RAB8A: variants seen among roughly 807,000 people sequenced by gnomAD.
RAB8A encodes the protein RAB8A, member RAS oncogene family.
Under a neutral mutation model 29.2 loss-of-function variants are expected in RAB8A, and 5 were observed. That is an observed-to-expected ratio of 0.17 (90% CI 0.09 to 0.36). The LOEUF is 0.36. Among genes scored for constraint, RAB8A ranks in the 10% least tolerant of loss-of-function variants. The pLI, the probability that RAB8A is intolerant of heterozygous loss-of-function variation, is 1.00. For missense variants in RAB8A, 171 were observed against 272.2 expected (o/e 0.63, Z 2.62); for synonymous variants, 108 against 99.9 (o/e 1.08, Z -0.49).
intron 1 of RAB8A, among the ~76,000 whole-genome samples, chr19:16,114,573 T>A (rs2090838647): frequency 7.2e-6 from 1 of 139,302 alleles, no homozygotes; most frequent in Non-Finnish European, 1.6e-5. Context: ...TTTTTTTTAG[T>A]AGAGATGGGG....
At chr19:16,129,447 T>C in intron 6 of RAB8A, 107 bp from the exon 7 acceptor site, 1 of 1,098,908 alleles carries the variant, frequency 9.1e-7, no homozygotes, top group South Asian at 1.3e-5. Flanking sequence ...AAGGGCCAAA[T>C]GGGAGGCCCA....
In RAB8A at chr19:16,127,916, C is replaced by T; in HGVS notation, c.415-110C>T. On this transcript the variant is annotated intron_variant, in intron 5 of 7. Coordinates refer to ENST00000300935, the MANE Select transcript of RAB8A (RefSeq NM_005370.5). The surrounding 1 kb of genome is among the most constrained non-coding windows in gnomAD (Gnocchi z 4.8). ...AGGAAGTCACGCCCACAGCCCCAGC[C>T]CTGTTGCTGCTCCCTCTTGGCGCCG... 1.8e-6 allele frequency: 2 copies of T among 1,093,220 alleles called. No individual in the cohort carries two copies. The highest frequency in any genetic ancestry group is 2.8e-6 in the Non-Finnish European group (2 of 715,400). The allele number at this position is 1,093,220 out of a possible 1,614,324, so 67.7% of individuals were successfully genotyped here.
chr19:16,130,242 A>C (rs2090919482), intron 7 of RAB8A, among the ~76,000 whole-genome samples: 1 of 151,646 alleles, frequency 6.6e-6, no homozygotes, highest in Non-Finnish European at 1.5e-5. Context: ...ACTTCCCTGT[A>C]CTTTGGGGGC....
chr19:16,125,322 G>A lies in RAB8A; in HGVS notation c.247-148G>A. 1 of 671,944 alleles carries A rather than the reference G, an allele frequency of 1.5e-6. No homozygotes were observed. Among genetic ancestry groups the A allele is most frequent in the South Asian group, 1.7e-5 (1 of 57,396 alleles). The allele number at this position is 671,944 out of a possible 1,614,324, so 41.6% of individuals were successfully genotyped here. A position where few individuals can be genotyped will look rare whatever the true frequency, so the allele number is the denominator to read the frequency against. On this transcript the variant is annotated intron_variant, in intron 3 of 7. Transcript: ENST00000300935. This position sits in a 1 kb window ranked among gnomAD's most constrained non-coding sequence, Gnocchi z 5.0. ...TGGAGAGGAGGGGGCTGGCTTCCGG[G>A]GCTCCACAGAGGTGGGGAGGGCGGC... is the stretch of plus-strand genomic sequence containing the variant.
In RAB8A at chr19:16,125,600, C is replaced by A; in HGVS notation, c.324+53C>A. ...CCCTGCTTCAGTCCTTGTCCCAGAG[C>A]CCTCTGGTTTACTCATGAGAAGGCC... On this transcript the variant is annotated intron_variant, in intron 4 of 7. Coordinates refer to ENST00000300935, the MANE Select transcript of RAB8A (RefSeq NM_005370.5). The surrounding 1 kb of genome is among the most constrained non-coding windows in gnomAD (Gnocchi z 5.0). 6.5e-7 allele frequency: 1 copy of A among 1,531,156 alleles called. No individual in the cohort carries two copies. Among genetic ancestry groups the A allele is most frequent in the African/African-American group, 1.4e-5 (1 of 72,948 alleles). The allele number at this position is 1,531,156 out of a possible 1,614,324, so 94.8% of individuals were successfully genotyped here.
intron 6 of RAB8A, among the ~76,000 whole-genome samples, chr19:16,128,819 C>T (rs2090912999): frequency 6.6e-6 from 1 of 152,176 alleles, no homozygotes; most frequent in Admixed American, 6.5e-5. Flanking sequence ...CTAGTCAGGG[C>T]CTGGCCCTGG....
chr19:16,116,645 G>A (rs756833845), intron 1 of RAB8A, among the ~76,000 whole-genome samples: 3 of 152,154 alleles, frequency 2.0e-5, no homozygotes, highest in Non-Finnish European at 4.4e-5. Context: ...GAACAGCCTG[G>A]CCAACATGGT....
intron 1 of RAB8A, 90 bp from the exon 2 acceptor site, chr19:16,118,136 C>A: frequency 1.8e-6 from 2 of 1,100,440 alleles, no homozygotes; most frequent in Non-Finnish European, 2.7e-6. Flanking sequence ...GCCACAACAG[C>A]TGTCACCTGC....
At chr19:16,121,460 T>C (rs1014807596) in intron 2 of RAB8A, among the ~76,000 whole-genome samples, 1 of 152,200 alleles carries the variant, frequency 6.6e-6, no homozygotes, top group African/African-American at 2.4e-5. Flanking sequence ...CTGGCTCTTC[T>C]GTGAACCAGA....
rs375960894 is a variant in RAB8A at position 16,127,390 on chromosome 19, G to T, written c.325-47G>T. On this transcript the variant is annotated intron_variant, in intron 4 of 7. Coordinates refer to ENST00000300935, the MANE Select transcript of RAB8A (RefSeq NM_005370.5). This position sits in a 1 kb window ranked among gnomAD's most constrained non-coding sequence, Gnocchi z 4.8. Reference sequence around the variant, plus strand: ...GACTGTGTGTTGGCAGAGGCACCTGGCCTGTGTCATCCGGTCTGATCCCCC... The same window carrying T: ...GACTGTGTGTTGGCAGAGGCACCTGTCCTGTGTCATCCGGTCTGATCCCCC... The T allele has an allele frequency of 2.9e-5, 38 of 1,293,600 alleles. No homozygotes were observed. Among genetic ancestry groups the T allele is most frequent in the Non-Finnish European group, 3.9e-5 (38 of 971,324 alleles). The allele number at this position is 1,293,600 out of a possible 1,614,324, so 80.1% of individuals were successfully genotyped here.
rs2090894075 is a variant in RAB8A at position 16,125,245 on chromosome 19, G to C, written c.247-225G>C. Reference sequence around the variant, plus strand: ...CAGAAGGGTCACCTCAGCGGCCCGGGGGGCAGGACAAGGCTGGTGCCAGAA... The same window carrying C: ...CAGAAGGGTCACCTCAGCGGCCCGGCGGGCAGGACAAGGCTGGTGCCAGAA... On this transcript the variant is annotated intron_variant, in intron 3 of 7. Transcript: ENST00000300935. This position sits in a 1 kb window ranked among gnomAD's most constrained non-coding sequence, Gnocchi z 5.0. The C allele has an allele frequency of 1.7e-6, 1 of 589,988 alleles. No individual in the cohort carries two copies. The highest frequency in any genetic ancestry group is 3.0e-6 in the Non-Finnish European group (1 of 330,212). The allele number at this position is 589,988 out of a possible 1,614,324, so 36.5% of individuals were successfully genotyped here. A position where few individuals can be genotyped will look rare whatever the true frequency, so the allele number is the denominator to read the frequency against.
chr19:16,127,409 A>T lies in RAB8A; in HGVS notation c.325-28A>T, dbSNP rs774213616. On this transcript the variant is annotated intron_variant, in intron 4 of 7. Coordinates refer to ENST00000300935, the MANE Select transcript of RAB8A (RefSeq NM_005370.5). The surrounding 1 kb of genome is among the most constrained non-coding windows in gnomAD (Gnocchi z 4.8). ...CACCTGGCCTGTGTCATCCGGTCTG[A>T]TCCCCCGTCTGTCCCCCTCCCTCTC... 1 of 1,419,020 alleles carries T rather than the reference A, an allele frequency of 7.0e-7. No homozygotes were observed. The highest frequency in any genetic ancestry group is 1.6e-5 in the South Asian group (1 of 60,846). The allele number at this position is 1,419,020 out of a possible 1,614,324, so 87.9% of individuals were successfully genotyped here. A position where few individuals can be genotyped will look rare whatever the true frequency, so the allele number is the denominator to read the frequency against.
intron 7 of RAB8A, among the ~76,000 whole-genome samples, chr19:16,131,621 ATGGT>A (rs1242096660): frequency 1.4e-5 from 2 of 148,130 alleles, no homozygotes; most frequent in South Asian, 2.2e-4. Context: ...GGATGGATGG[ATGGT>A]TGGTTGGATG....
At chr19:16,112,090 G>GGGGCTGAGGGATCTACA (rs2090826100) in intron 1 of RAB8A, 65 bp downstream of exon 1, 2 of 1,590,368 alleles carry the variant, frequency 1.3e-6, no homozygotes, top group African/African-American at 2.7e-5. Context: ...CTGAGGGGCT[G>GGGGCTGAGGGATCTACA]GGGCTGAGGG....
intron 2 of RAB8A, among the ~76,000 whole-genome samples, chr19:16,121,445 C>A (rs1234645716): frequency 1.3e-5 from 2 of 152,192 alleles, no homozygotes; most frequent in African/African-American, 4.8e-5. Flanking sequence ...TCCTGAGCCA[C>A]ATGACTGGCT....
In RAB8A at chr19:16,113,761, C is replaced by T. The variant is rs918656883; in HGVS notation, c.124+1736C>T. On this transcript the variant is annotated intron_variant, in intron 1 of 7. Coordinates refer to ENST00000300935, the MANE Select transcript of RAB8A (RefSeq NM_005370.5). ...AAAATAGAGAGAATTGACTGGAAAT[C>T]ATTACGTCTGGTTTCCAGTTGCTGT... Among the ~76,000 whole-genome samples, 5 of 152,198 alleles carry T rather than the reference C, an allele frequency of 3.3e-5. No individual in the cohort carries two copies. The East Asian group carries it at 9.6e-4, about 29-fold the overall frequency.
chr19:16,126,009 A>C, intron 4 of RAB8A: 1 of 228,476 alleles, frequency 4.4e-6, no homozygotes, highest in Non-Finnish European at 9.3e-6. Flanking sequence ...AGTGAGAAGT[A>C]GGCCAACCCC....
chr19:16,112,144 G>A (rs973347404), intron 1 of RAB8A, 119 bp downstream of exon 1: 2 of 1,391,592 alleles, frequency 1.4e-6, no homozygotes, highest in Middle Eastern at 2.6e-4. Flanking sequence ...AGGGTCGAGG[G>A]GGCCTAAAGG....
chr19:16,126,134 C>T (rs2090900214), intron 4 of RAB8A: 1 of 185,196 alleles, frequency 5.4e-6, no homozygotes, highest in East Asian at 1.2e-4. Flanking sequence ...CCATGTGGGG[C>T]TTCAGGTCTG....
Sources: gnomAD v4.1 joint callset for allele counts (sites outside exome capture counted in the v4.1 genomes callset) on GRCh38, gnomAD v4.1.1 for gene constraint, Gnocchi (gnomAD v3.1) non-coding constraint, MANE v1.5 for transcripts, NCBI Gene and HGNC (gene_info 2026-07-23, HGNC 2026-07-21) for gene names.